The following BTN2A1 variants were observed in gnomAD, a reference collection of about 807,000 sequenced individuals.
BTN2A1 encodes the protein butyrophilin, subfamily 2, member A1.
A neutral mutation model predicts 34.5 loss-of-function variants in BTN2A1; 41 were observed. The observed-to-expected ratio is 1.19, with a 90% CI of 0.93 to 1.54. BTN2A1 has a LOEUF of 1.54. Among genes scored for constraint, BTN2A1 ranks in the 40% most tolerant of loss-of-function variants. BTN2A1 has a pLI of 0.00. For missense variants in BTN2A1, 642 were observed against 662.0 expected, an observed-to-expected ratio of 0.97 and a Z score of 0.33; for synonymous variants, 267 against 258.6, an observed-to-expected ratio of 1.03 and a Z score of -0.31.
chr6:26,466,082 C>G lies in BTN2A1; in HGVS notation c.976C>G (p.His326Asp). ...EELRWRRTFL[H>D]AVDVVLDPDT... ...TGCAGGATGGAGAAGAACATTCTTA[C>G]ATGCTGGTGAGTGCCTCTGATGTTC... Residue 326 changes from histidine to aspartate, a missense_variant, in exon 7 of 8, where the codon CAT becomes GAT. By Grantham distance (81) the His-to-Asp change is moderately conservative. Transcript: ENST00000312541. The G allele has an allele frequency of 6.2e-7, 1 of 1,613,786 alleles. No homozygotes were observed. The highest frequency in any genetic ancestry group is 8.5e-7 in the Non-Finnish European group (1 of 1,180,042).
At chr6:26,476,341 C>T (rs1763538007) in exon 8 of BTN2A1, 2 of 765,514 alleles carry the variant, frequency 2.6e-6, no homozygotes, top group Non-Finnish European at 4.7e-6. Context: ...CTGACAGACT[C>T]ACACCAGTAT....
intron 3 of BTN2A1, 92 bp from the exon 4 acceptor site, chr6:26,463,152 T>C (rs1763210466): frequency 3.5e-6 from 5 of 1,410,766 alleles, no homozygotes; most frequent in East Asian, 2.3e-5. Flanking sequence ...CTTTTTTACC[T>C]TTACTTTCTA....
chr6:26,469,638 G>A (rs9366658), downstream of BTN2A1: 25,766 of 152,300 alleles, frequency 0.17, 2,201 homozygotes, highest in African/African-American at 0.2. Flanking sequence ...GTGAAGTGTG[G>A]CATTGATTAA....
chr6:26,462,779 T>C (rs1763199883), intron 3 of BTN2A1: 1 of 1,283,270 alleles, frequency 7.8e-7, no homozygotes. Flanking sequence ...ACTTTCGTCC[T>C]TCTCGTTATT....
At chr6:26,462,029 A>T (rs201699579) in intron 3 of BTN2A1, among the ~76,000 whole-genome samples, 7 of 150,886 alleles carry the variant, frequency 4.6e-5, no homozygotes, top group Admixed American at 6.6e-5. Flanking sequence ...AAAAAAAAAA[A>T]TTTTTTTTTA....
chr6:26,464,813 A>G (rs765780484), intron 4 of BTN2A1, among the ~76,000 whole-genome samples: 1 of 152,194 alleles, frequency 6.6e-6, no homozygotes, highest in Non-Finnish European at 1.5e-5. Flanking sequence ...TCATGATCAC[A>G]CTAGGGCTGG....
downstream of BTN2A1, among the ~76,000 whole-genome samples, chr6:26,472,921 A>G (rs904517552): frequency 1.3e-5 from 2 of 152,154 alleles, no homozygotes; most frequent in African/African-American, 4.8e-5. Context: ...TGTGTGCTGA[A>G]TGGTTTGTGA....
downstream of BTN2A1, among the ~76,000 whole-genome samples, chr6:26,472,030 A>G: frequency 6.6e-6 from 1 of 152,246 alleles, no homozygotes; most frequent in East Asian, 1.9e-4. Flanking sequence ...TTTTCATGTC[A>G]ATAAATATGG....
chr6:26,461,530 C>T (rs1216117675), intron 3 of BTN2A1, among the ~76,000 whole-genome samples: 2 of 152,212 alleles, frequency 1.3e-5, no homozygotes, highest in African/African-American at 4.8e-5. Flanking sequence ...TGCCTGTAAT[C>T]CTAGCATTTT....
At position 26,463,377 on chromosome 6, in the gene BTN2A1, C is replaced by G. The variant is rs1354930382; in HGVS notation, c.564C>G (p.Ala188=). 2.9e-5 allele frequency: 46 copies of G among 1,613,956 alleles called. No homozygotes were observed. The highest frequency in any genetic ancestry group is 3.8e-5 in the Non-Finnish European group (45 of 1,180,020). ...WRDPYGGVAP[A]LKEVSMPDAD... is the part of the protein sequence containing the mutation. ...ACCCCTACGGTGGGGTTGCGCCTGC[C>G]CTGAAAGAGGTCTCCATGCCTGATG... The change falls in exon 4 of 8, where the codon GCC becomes GCG. Residue 188 remains alanine, a synonymous_variant. Transcript: ENST00000312541.
At chr6:26,465,533 T>TAA (rs1315632528) in intron 5 of BTN2A1, 127 bp downstream of exon 5, 22 of 717,232 alleles carry the variant, frequency 3.1e-5, no homozygotes, top group Non-Finnish European at 4.0e-5. Context: ...CCTGTTTAAT[T>TAA]AAAAAAAAAA....
chr6:26,460,931 A>G (rs1763148400), intron 3 of BTN2A1, among the ~76,000 whole-genome samples: 1 of 152,104 alleles, frequency 6.6e-6, no homozygotes, highest in African/African-American at 2.4e-5. Context: ...AACAACAAAA[A>G]AGATATATTT....
intron 5 of BTN2A1, 139 bp downstream of exon 5, chr6:26,465,545 G>C (rs981177558): frequency 6.1e-6 from 5 of 820,632 alleles, no homozygotes; most frequent in Admixed American, 2.9e-5. Flanking sequence ...AAAAAAAAAA[G>C]AAAAGAAAAA....
Position 26,464,430 on chromosome 6 carries a change from A to C in BTN2A1, c.713-755A>C, listed in dbSNP as rs137934937. ...TGAACATCTATAGGAAACATTAAGC[A>C]AGGAAGGAATAAAGAGGCAATGTGA... On this transcript the variant is annotated intron_variant, in intron 4 of 7. Transcript: ENST00000312541. Among the ~76,000 whole-genome samples, 494 of 152,346 alleles carry C rather than the reference A, an allele frequency of 3.2e-3. 5 individuals carry two copies. Among genetic ancestry groups the C allele is most frequent in the African/African-American group, 8.9e-3 (369 of 41,578 alleles).
rs775308913 is a variant in BTN2A1 at position 26,468,445 on chromosome 6, G to A, written c.1480G>A (p.Asp494Asn). ...GCCCTTCTTCAGGTTGGGGTGTGAG[G>A]ACAGCCCCATCTTCATCTGCCCTGC... ...VRPFFRLGCE[D>N]SPIFICPALT... Residue 494 changes from aspartate (D) to asparagine (N), a missense_variant, in exon 8 of 8, where the codon GAC becomes AAC. Transcript: ENST00000312541. 6.2e-7 allele frequency: 1 copy of A among 1,613,432 alleles called. No individual in the cohort carries two copies. The highest frequency in any genetic ancestry group is 8.5e-7 in the Non-Finnish European group (1 of 1,179,372).
At chr6:26,460,090 G>A (rs1426151334) in intron 3 of BTN2A1, among the ~76,000 whole-genome samples, 4 of 152,126 alleles carry the variant, frequency 2.6e-5, no homozygotes, top group Non-Finnish European at 5.9e-5. Flanking sequence ...GGGGAAAATG[G>A]TCAGTCTCGG....
intron 7 of BTN2A1, among the ~76,000 whole-genome samples, chr6:26,474,836 A>C (rs1198231290): frequency 1.3e-5 from 2 of 149,392 alleles, no homozygotes; most frequent in African/African-American, 2.5e-5. Context: ...TGCAGCATCC[A>C]CCTTCCCAGC....
At chr6:26,464,767 C>T (rs1367333545) in intron 4 of BTN2A1, among the ~76,000 whole-genome samples, 5 of 152,110 alleles carry the variant, frequency 3.3e-5, no homozygotes, top group African/African-American at 1.2e-4. Context: ...GGGCGAGTGA[C>T]GTGGAAAGCG....
In BTN2A1 at chr6:26,465,043, C is replaced by A. The variant is rs555216247; in HGVS notation, c.713-142C>A. On this transcript the variant is annotated intron_variant, in intron 4 of 7. Coordinates refer to ENST00000312541, the MANE Select transcript of BTN2A1 (RefSeq NM_007049.5). The stretch of plus-strand genomic sequence containing the variant: ...GAGGTGTCAGCCAGGTGTGAGCCAG[C>A]ATCACTTTCTCCATCTGAGTTTTCT... The A allele has an allele frequency of 4.9e-5, 35 of 707,090 alleles. No homozygotes were observed. The East Asian group carries it at 8.9e-4, about 18-fold the overall frequency. 43.8% of individuals were successfully genotyped at this position (707,090 alleles called of 1,614,324 possible). A position where few individuals can be genotyped will look rare whatever the true frequency, so the allele number is the denominator to read the frequency against.
Sources: gnomAD v4.1 joint callset for allele counts (sites outside exome capture counted in the v4.1 genomes callset) on GRCh38, gnomAD v4.1.1 for gene constraint, MANE v1.5 for transcripts, NCBI Gene and HGNC (gene_info 2026-07-23, HGNC 2026-07-21) for gene names.